ALK: variants seen among roughly 807,000 people sequenced by gnomAD.
ALK encodes the protein ALK tyrosine kinase receptor.
A neutral mutation model predicts 163.1 loss-of-function variants in ALK; 74 were observed. That is an observed-to-expected ratio of 0.45 (90% CI 0.38 to 0.55). The LOEUF is 0.55. Ranked by LOEUF, ALK falls within the 20% of genes least tolerant of loss-of-function variation. ALK has a pLI of 0.00. For synonymous variants in ALK, 960 were observed against 843.2 expected (o/e 1.14, Z -2.40); for missense variants, 2,063 against 2,105.3 (o/e 0.98, Z 0.39).
chr2:29,763,371 G>A (rs975903924), intron 1 of ALK, among the ~76,000 whole-genome samples: 2 of 152,176 alleles, frequency 1.3e-5, no homozygotes, highest in African/African-American at 4.8e-5. Flanking sequence ...GTCACTTTGA[G>A]AGCTAGCTTT....
intron 3 of ALK, among the ~76,000 whole-genome samples, chr2:29,650,098 A>G (rs1193660482): frequency 6.6e-6 from 1 of 152,148 alleles, no homozygotes; most frequent in Non-Finnish European, 1.5e-5. Flanking sequence ...AAGTAACAAG[A>G]GATTGCAGAT....
At chr2:29,642,937 G>A (rs906428741) in intron 3 of ALK, among the ~76,000 whole-genome samples, 21 of 152,138 alleles carry the variant, frequency 1.4e-4, no homozygotes, top group Non-Finnish European at 2.9e-5. Context: ...GGTACCCCAA[G>A]TATCATACTA....
In ALK at chr2:29,920,628, G is replaced by T; in HGVS notation, c.32C>A (p.Pro11Gln). The part of the protein sequence containing the change: MGAIGLLWLL[P>Q]LLLSTAAVGS... ...CACAGCTGCCGTGGAAAGCAGCAGC[G>T]GCAGGAGCCACAGGAGCCCGATGGC... Residue 11 changes from proline to glutamine, a missense_variant, in exon 1 of 29, where the codon CCG becomes CAG. Physicochemically the swap from Pro to Gln is moderately conservative, Grantham distance 76 (BLOSUM62 -1). Around this residue, in one of 5 missense-constraint regions of ALK, gnomAD observed 987 missense variants for 939.5 expected, o/e 1.05. Transcript: ENST00000389048. 1 of 1,544,590 alleles carries T rather than the reference G, an allele frequency of 6.5e-7. No individual in the cohort carries two copies. Among genetic ancestry groups the T allele is most frequent in the Middle Eastern group, 2.1e-4 (1 of 4,772 alleles).
At chr2:29,750,067 C>A (rs1680312957) in intron 1 of ALK, among the ~76,000 whole-genome samples, 1 of 152,130 alleles carries the variant, frequency 6.6e-6, no homozygotes, top group Non-Finnish European at 1.5e-5. Context: ...AACAGCTGCC[C>A]CAGACAGACA....
At position 29,227,085 on chromosome 2, in the gene ALK, G is replaced by A. The variant is rs1286574271; in HGVS notation, c.2915-11C>T. 6.2e-6 allele frequency: 10 copies of A among 1,614,048 alleles called. No individual in the cohort carries two copies. Among genetic ancestry groups the A allele is most frequent in the East Asian group, 2.2e-5 (1 of 44,888 alleles). On this transcript the variant is annotated splice_polypyrimidine_tract_variant and intron_variant, in intron 17 of 28. Transcript: ENST00000389048. This position sits in a 1 kb window ranked among gnomAD's most constrained non-coding sequence, Gnocchi z 4.4. ...CGTGGCCTTCCATCACTAGTGACAAGGAGGGAGGGTCAGTCTTGGGCCGAG... is the reference window on the plus strand; with the variant it reads ...CGTGGCCTTCCATCACTAGTGACAAAGAGGGAGGGTCAGTCTTGGGCCGAG...
intron 4 of ALK, among the ~76,000 whole-genome samples, chr2:29,470,542 C>G (rs565865918): frequency 6.6e-6 from 1 of 152,146 alleles, no homozygotes; most frequent in Non-Finnish European, 1.5e-5. Context: ...CTGACTTCAA[C>G]AGAGGCAAGG....
intron 1 of ALK, among the ~76,000 whole-genome samples, chr2:29,776,225 T>TAAAAAA (rs58918857): frequency 4.6e-5 from 6 of 131,232 alleles, no homozygotes; most frequent in African/African-American, 1.8e-4. Context: ...GGAATTTTGT[T>TAAAAAA]AAAAAAAAAA....
rs374247339 is a variant in ALK, at chr2:29,520,765, A to G, written c.1154+11150T>C. Among the ~76,000 whole-genome samples the G allele has an allele frequency of 1.8e-4, 27 of 152,218 alleles. No individual in the cohort carries two copies. In the East Asian group the frequency reaches 4.4e-3, roughly 25 times the overall value. ...ACAAACGAATCATGGGTCCAGAGAA[A>G]TGGGGTGAGCCAGGCTCAGGAGGGG... On this transcript the variant is annotated intron_variant, in intron 4 of 28. Coordinates refer to ENST00000389048, the MANE Select transcript of ALK (RefSeq NM_004304.5).
At chr2:29,522,447 T>C (rs1324197623) in intron 4 of ALK, among the ~76,000 whole-genome samples, 1 of 152,172 alleles carries the variant, frequency 6.6e-6, no homozygotes, top group Non-Finnish European at 1.5e-5. Flanking sequence ...CGTGAATTCC[T>C]ATCTGGGATG....
intron 8 of ALK, among the ~76,000 whole-genome samples, chr2:29,310,016 T>C (rs1666654708): frequency 6.6e-6 from 1 of 152,212 alleles, no homozygotes; most frequent in South Asian, 2.1e-4. Flanking sequence ...TTTCACATTT[T>C]CCTCTGATCC....
chr2:29,798,506 A>C (rs1664380237), intron 1 of ALK, among the ~76,000 whole-genome samples: 1 of 152,272 alleles, frequency 6.6e-6, no homozygotes, highest in South Asian at 2.1e-4. Flanking sequence ...AAATATGTAG[A>C]ATTTGGTCTT....
intron 1 of ALK, among the ~76,000 whole-genome samples, chr2:29,839,263 C>T (rs1665640031): frequency 6.6e-6 from 1 of 152,054 alleles, no homozygotes; most frequent in Non-Finnish European, 1.5e-5. Context: ...CTTGCGTGTT[C>T]TAATCTCCCT....
chr2:29,216,509 C>T (rs1006118835), intron 23 of ALK, among the ~76,000 whole-genome samples: 10 of 152,150 alleles, frequency 6.6e-5, no homozygotes, highest in Admixed American at 1.3e-4. Context: ...GCTGTTATGG[C>T]CCCCTGTCCT....
chr2:29,678,234 A>G (rs1250478795), intron 3 of ALK, among the ~76,000 whole-genome samples: 1 of 151,722 alleles, frequency 6.6e-6, no homozygotes, highest in African/African-American at 2.4e-5. Context: ...CAATTTTGTT[A>G]TTCTTTTCAA....
intron 4 of ALK, among the ~76,000 whole-genome samples, chr2:29,407,440 T>C (rs978932609): frequency 1.3e-5 from 2 of 152,256 alleles, no homozygotes; most frequent in Non-Finnish European, 2.9e-5. Context: ...AGGTTTATTA[T>C]GATGAAGAAA....
At chr2:29,788,903 C>A (rs1040385820) in intron 1 of ALK, among the ~76,000 whole-genome samples, 1 of 152,176 alleles carries the variant, frequency 6.6e-6, no homozygotes, top group African/African-American at 2.4e-5. Context: ...TATATTGACA[C>A]TTCTTTCTGA....
intron 1 of ALK, among the ~76,000 whole-genome samples, chr2:29,776,148 C>A (rs1222066183): frequency 6.6e-6 from 1 of 150,940 alleles, no homozygotes; most frequent in Non-Finnish European, 1.5e-5. Flanking sequence ...ATATTCAGAC[C>A]TTCCTGGAAG....
At chr2:29,223,780 T>C (rs2148171893) in intron 19 of ALK, 1 of 539,840 alleles carries the variant, frequency 1.9e-6, no homozygotes, top group Non-Finnish European at 3.3e-6. Flanking sequence ...TAGGGCAGAG[T>C]CATGTTAGTC....
intron 3 of ALK, among the ~76,000 whole-genome samples, chr2:29,584,688 G>A (rs577808051): frequency 6.6e-6 from 1 of 152,214 alleles, no homozygotes; most frequent in Non-Finnish European, 1.5e-5. Context: ...CGGTGTTCTG[G>A]AGTCTAGCCC....
Sources: gnomAD v4.1 joint callset for allele counts (sites outside exome capture counted in the v4.1 genomes callset) on GRCh38, gnomAD v4.1.1 for gene constraint, gnomAD v4.1.1 regional missense constraint, Gnocchi (gnomAD v3.1) non-coding constraint, MANE v1.5 for transcripts, NCBI Gene and HGNC (gene_info 2026-07-23, HGNC 2026-07-21) for gene names.